The following ARHGAP21 variants were observed in gnomAD, a reference collection of about 807,000 sequenced individuals.
ARHGAP21 encodes Rho GTPase activating protein 21, also known as rho GTPase-activating protein 21.
ARHGAP21 carries 38 observed loss-of-function variants against 164.6 expected under a neutral mutation model. The ratio of observed to expected loss-of-function variants is 0.23; its 90% CI spans 0.18 to 0.30. The LOEUF is 0.30. Ranked by LOEUF, ARHGAP21 falls within the 10% of genes least tolerant of loss-of-function variation. The probability of loss-of-function intolerance (pLI) is 1.00; values close to 1 mark genes in which losing one functional copy is unlikely to be tolerated. For synonymous variants in ARHGAP21, 766 were observed against 857.9 expected (o/e 0.89, Z 1.87); for missense variants, 1,822 against 2,370.7 (o/e 0.77, Z 4.81).
chr10:24,612,636 C>T (rs191762960), intron 9 of ARHGAP21, among the ~76,000 whole-genome samples: 21 of 152,210 alleles, frequency 1.4e-4, no homozygotes, highest in African/African-American at 3.1e-4. Flanking sequence ...GGGCGGATCA[C>T]GAGGTCAGGA....
At chr10:24,701,288 C>A (rs1843650043) in intron 2 of ARHGAP21, among the ~76,000 whole-genome samples, 1 of 152,134 alleles carries the variant, frequency 6.6e-6, no homozygotes, top group Non-Finnish European at 1.5e-5. Context: ...GTGGGTATCT[C>A]CTTGTCGTTT....
intron 2 of ARHGAP21, among the ~76,000 whole-genome samples, chr10:24,690,210 T>C (rs1842642807): frequency 6.6e-6 from 1 of 152,170 alleles, no homozygotes; most frequent in African/African-American, 2.4e-5. Context: ...TGTAGACCAG[T>C]GTCTATGAAA....
intron 2 of ARHGAP21, among the ~76,000 whole-genome samples, chr10:24,721,175 C>A (rs1593406780): frequency 6.6e-6 from 1 of 152,074 alleles, no homozygotes; most frequent in East Asian, 1.9e-4. Context: ...ACCTGACACC[C>A]CAGAGCAGCT....
chr10:24,651,468 C>A (rs1838154094), intron 4 of ARHGAP21, among the ~76,000 whole-genome samples: 1 of 152,250 alleles, frequency 6.6e-6, no homozygotes, highest in South Asian at 2.1e-4. Context: ...CATATCTCAT[C>A]CTGGTTTAGT....
At chr10:24,702,931 A>G (rs1843836850) in intron 2 of ARHGAP21, among the ~76,000 whole-genome samples, 1 of 152,238 alleles carries the variant, frequency 6.6e-6, no homozygotes, top group Admixed American at 6.5e-5. Context: ...TAAGAGCAGA[A>G]CACTGGAAGC....
intron 4 of ARHGAP21, among the ~76,000 whole-genome samples, chr10:24,664,255 G>A (rs562744889): frequency 4.6e-5 from 7 of 152,074 alleles, no homozygotes; most frequent in African/African-American, 7.2e-5. Flanking sequence ...ACAGCCCACC[G>A]TCAATAACAG....
At chr10:24,706,820 TCTTA>T (rs1844269601) in intron 2 of ARHGAP21, among the ~76,000 whole-genome samples, 1 of 152,254 alleles carries the variant, frequency 6.6e-6, no homozygotes. Flanking sequence ...TTCATAAAAT[TCTTA>T]CTGAGTATTT....
At chr10:24,644,817 G>A (rs1001166542) in intron 4 of ARHGAP21, among the ~76,000 whole-genome samples, 1 of 152,036 alleles carries the variant, frequency 6.6e-6, no homozygotes, top group African/African-American at 2.4e-5. Context: ...TCCTCTCTGT[G>A]TATGGTTTCA....
chr10:24,721,672 G>A (rs1285709504), intron 2 of ARHGAP21, among the ~76,000 whole-genome samples, 165 bp downstream of exon 2: 3 of 152,202 alleles, frequency 2.0e-5, no homozygotes, highest in Non-Finnish European at 2.9e-5. Flanking sequence ...ACAGACGTGG[G>A]CCAGGCTTCT....
chr10:24,655,686 T>C (rs1838750992), intron 4 of ARHGAP21, among the ~76,000 whole-genome samples: 1 of 136,732 alleles, frequency 7.3e-6, no homozygotes, highest in Non-Finnish European at 1.6e-5. Flanking sequence ...TCGTCTGGGA[T>C]GTGAGGAGCC....
At chr10:24,692,974 GAAAA>G (rs201300726) in intron 2 of ARHGAP21, among the ~76,000 whole-genome samples, 10 of 149,962 alleles carry the variant, frequency 6.7e-5, no homozygotes, top group African/African-American at 2.2e-4. Context: ...AATGCTGAGT[GAAAA>G]AAAAACACAA....
intron 6 of ARHGAP21, among the ~76,000 whole-genome samples, chr10:24,630,998 C>G (rs1470164737): frequency 6.6e-6 from 1 of 152,102 alleles, no homozygotes; most frequent in African/African-American, 2.4e-5. Context: ...TGTAAATTTC[C>G]TGTTGAAAAT....
At chr10:24,590,517 G>A (rs1446305343) in intron 24 of ARHGAP21, 2 of 1,529,044 alleles carry the variant, frequency 1.3e-6, no homozygotes, top group East Asian at 2.5e-5. Context: ...GTGTCAGTAA[G>A]AGCTGAAAAA....
chr10:24,615,285 G>A (rs762403398), intron 9 of ARHGAP21, among the ~76,000 whole-genome samples: 1 of 152,128 alleles, frequency 6.6e-6, no homozygotes, highest in Non-Finnish European at 1.5e-5. Flanking sequence ...TAACGAACTC[G>A]ACACTTCTAA....
At chr10:24,650,284 AG>A (rs1304364806) in intron 4 of ARHGAP21, among the ~76,000 whole-genome samples, 2 of 152,178 alleles carry the variant, frequency 1.3e-5, no homozygotes, top group African/African-American at 2.4e-5. Flanking sequence ...GGCTCTGAGT[AG>A]TGCCTGAGGG....
At chr10:24,631,502 T>C (rs972756143) in intron 6 of ARHGAP21, among the ~76,000 whole-genome samples, 1 of 152,114 alleles carries the variant, frequency 6.6e-6, no homozygotes, top group Admixed American at 6.5e-5. Context: ...TAAGAAACAA[T>C]CAACAACAAA....
Position 24,608,916 on chromosome 10 carries a change from CTG to C in ARHGAP21, c.2423-1015_2423-1014del, listed in dbSNP as rs1258255203. ...TCTTTTTCCAAAAGCAAGAAGATAA[CTG>C]AAGTTTTAAAAATTCAATGAGGATA... On this transcript the variant is annotated intron_variant, in intron 9 of 25. Transcript: ENST00000396432. Among the ~76,000 whole-genome samples, 16 of 152,026 alleles carry C rather than the reference CTG, an allele frequency of 1.1e-4. 1 individual carries two copies. The South Asian group carries it at 2.7e-3, about 26-fold the overall frequency.
In ARHGAP21 at chr10:24,591,545, G is replaced by T. The variant is rs913425145; in HGVS notation, c.4044+97C>A. Reference sequence around the variant, plus strand: ...GAGACCTGCTTCCGGGGCGCAAAGCGGACAATAGCAAAGCAGGAAGTTGAC... The same window carrying T: ...GAGACCTGCTTCCGGGGCGCAAAGCTGACAATAGCAAAGCAGGAAGTTGAC... On this transcript the variant is annotated intron_variant, in intron 23 of 25. Coordinates refer to ENST00000396432, the MANE Select transcript of ARHGAP21 (RefSeq NM_020824.4). 4.1e-6 allele frequency: 6 copies of T among 1,468,890 alleles called. No individual in the cohort carries two copies. In the African/African-American group the frequency reaches 7.0e-5, roughly 17 times the overall value. The allele number at this position is 1,468,890 out of a possible 1,614,324, so 91.0% of individuals were successfully genotyped here.
chr10:24,626,536 C>T (rs1174799642), intron 7 of ARHGAP21, among the ~76,000 whole-genome samples: 2 of 152,116 alleles, frequency 1.3e-5, no homozygotes, highest in Admixed American at 6.6e-5. Context: ...CCAAATCTAC[C>T]TGAGCCTTGA....
Sources: gnomAD v4.1 joint callset for allele counts (sites outside exome capture counted in the v4.1 genomes callset) on GRCh38, gnomAD v4.1.1 for gene constraint, MANE v1.5 for transcripts, NCBI Gene and HGNC (gene_info 2026-07-23, HGNC 2026-07-21) for gene names.